The following SLCO2A1 variants were observed in gnomAD, a reference collection of about 807,000 sequenced individuals.
The protein encoded by SLCO2A1 is solute carrier organic anion transporter family member 2A1, also known as matrin F/G 1.
SLCO2A1 carries 60 observed loss-of-function variants against 71.7 expected under a neutral mutation model. The ratio of observed to expected loss-of-function variants is 0.84; its 90% CI spans 0.68 to 1.04. SLCO2A1 has a LOEUF of 1.04. Ranked by LOEUF, SLCO2A1 falls within the 50% of genes least tolerant of loss-of-function variation. SLCO2A1 has a pLI of 0.00. For synonymous variants in SLCO2A1, 308 were observed against 326.7 expected, an observed-to-expected ratio of 0.94 and a Z score of 0.62; for missense variants, 745 against 813.4, an observed-to-expected ratio of 0.92 and a Z score of 1.02.
intron 3 of SLCO2A1, among the ~76,000 whole-genome samples, chr3:133,958,985 G>A (rs948474939): frequency 2.6e-5 from 4 of 152,158 alleles, no homozygotes; most frequent in Non-Finnish European, 4.4e-5. Context: ...GTGGGAGCAC[G>A]GTTTAAAGCA....
At chr3:133,943,633 A>G (rs1206240566) in intron 10 of SLCO2A1, among the ~76,000 whole-genome samples, 1 of 152,002 alleles carries the variant, frequency 6.6e-6, no homozygotes, top group Non-Finnish European at 1.5e-5. Flanking sequence ...TATTTTGCTA[A>G]TGGGTTTTTG....
At chr3:133,936,331 A>C (rs1426436943) in intron 12 of SLCO2A1, among the ~76,000 whole-genome samples, 1 of 152,146 alleles carries the variant, frequency 6.6e-6, no homozygotes, top group East Asian at 1.9e-4. Flanking sequence ...GGGACACTGT[A>C]ACACAGCCAA....
At chr3:133,943,140 G>T (rs1933474258) in intron 10 of SLCO2A1, among the ~76,000 whole-genome samples, 1 of 152,202 alleles carries the variant, frequency 6.6e-6, no homozygotes, top group Non-Finnish European at 1.5e-5. Context: ...TGTTTTTGCT[G>T]TTTGTGTGTT....
At position 133,942,599 on chromosome 3, in the gene SLCO2A1, A is replaced by G. The variant is rs777114537; in HGVS notation, c.1625+6T>C. ...CGCCCCAGACTCACAGAGGTTTGCC[A>G]CTCACCGCAGAACCATCATGTAGAG... is the stretch of plus-strand genomic sequence containing the variant. On this transcript the variant is annotated splice_donor_region_variant and intron_variant, in intron 11 of 13. Coordinates refer to ENST00000310926, the MANE Select transcript of SLCO2A1 (RefSeq NM_005630.3). The G allele has an allele frequency of 3.7e-6, 6 of 1,603,810 alleles. No homozygotes were observed. The highest frequency in any genetic ancestry group is 3.4e-5 in the Admixed American group (2 of 58,906).
At chr3:134,026,871 C>A (rs1469953255) in intron 1 of SLCO2A1, among the ~76,000 whole-genome samples, 7 of 152,194 alleles carry the variant, frequency 4.6e-5, no homozygotes. Context: ...AAAACTGGCA[C>A]ATGTGCCTGT....
At chr3:133,995,933 T>C (rs1440178268) in intron 1 of SLCO2A1, among the ~76,000 whole-genome samples, 1 of 142,640 alleles carries the variant, frequency 7.0e-6, no homozygotes, top group Non-Finnish European at 1.6e-5. Context: ...GCAGGAATAG[T>C]AAGTTATTCA....
chr3:134,001,620 T>C (rs1044375074), intron 1 of SLCO2A1, among the ~76,000 whole-genome samples: 2 of 151,558 alleles, frequency 1.3e-5, no homozygotes, highest in African/African-American at 4.9e-5. Flanking sequence ...GGAAAGAGGG[T>C]GAGAAACATC....
intron 1 of SLCO2A1, among the ~76,000 whole-genome samples, chr3:134,018,426 G>A (rs1381249240): frequency 6.6e-6 from 1 of 152,176 alleles, no homozygotes; most frequent in Non-Finnish European, 1.5e-5. Context: ...GGAAGTGATG[G>A]ACATAGGCCA....
intron 1 of SLCO2A1, among the ~76,000 whole-genome samples, chr3:134,012,144 G>A (rs906272263): frequency 2.6e-5 from 4 of 152,114 alleles, no homozygotes. Flanking sequence ...TCCCAGCAAC[G>A]CCCACCTTCA....
At chr3:133,938,576 A>G (rs1933334308) in intron 11 of SLCO2A1, 83 bp from the exon 12 acceptor site, 2 of 1,341,826 alleles carry the variant, frequency 1.5e-6, no homozygotes, top group Non-Finnish European at 2.1e-6. Context: ...GCCTCAGAGC[A>G]GGTCAGAACC....
At chr3:133,949,050 C>T in intron 6 of SLCO2A1, 79 bp from the exon 7 acceptor site, 1 of 1,277,474 alleles carries the variant, frequency 7.8e-7, no homozygotes, top group Non-Finnish European at 1.1e-6. Flanking sequence ...GAGTCTCTGG[C>T]CTCAGAAGCT....
chr3:133,976,565 T>C (rs1393500387), intron 2 of SLCO2A1, among the ~76,000 whole-genome samples: 1 of 152,016 alleles, frequency 6.6e-6, no homozygotes, highest in Non-Finnish European at 1.5e-5. Context: ...CAGAGTCCCT[T>C]TGAAAAAACT....
chr3:133,949,179 T>G, intron 6 of SLCO2A1: 1 of 590,176 alleles, frequency 1.7e-6, no homozygotes, highest in Non-Finnish European at 3.0e-6. Flanking sequence ...TGGCCGACAA[T>G]CAGAACACAT....
intron 11 of SLCO2A1, 48 bp downstream of exon 11, chr3:133,942,557 T>C: frequency 6.5e-7 from 1 of 1,542,268 alleles, no homozygotes; most frequent in Non-Finnish European, 8.8e-7. Context: ...AAGGGAGATG[T>C]GGGGAAGGAG....
chr3:133,973,968 G>GC, intron 2 of SLCO2A1, 143 bp from the exon 3 acceptor site: 1 of 874,476 alleles, frequency 1.1e-6, no homozygotes, highest in South Asian at 1.8e-5. Context: ...CAGAGTTACA[G>GC]TGTCAGCTTT....
chr3:133,938,520 G>A (rs751665535), intron 11 of SLCO2A1, 27 bp from the exon 12 acceptor site: 29 of 1,610,206 alleles, frequency 1.8e-5, no homozygotes, highest in Non-Finnish European at 2.4e-5. Context: ...GAAATCAGCA[G>A]TGGGAGGATT....
intron 1 of SLCO2A1, among the ~76,000 whole-genome samples, chr3:134,013,750 G>A (rs1935387517): frequency 6.6e-6 from 1 of 152,190 alleles, no homozygotes; most frequent in Non-Finnish European, 1.5e-5. Context: ...TTACTCCAAG[G>A]TTTGGAGAGA....
intron 1 of SLCO2A1, among the ~76,000 whole-genome samples, chr3:134,015,384 A>G (rs761957609): frequency 2.4e-4 from 36 of 150,022 alleles, no homozygotes; most frequent in Middle Eastern, 6.8e-3. Flanking sequence ...AGAATCTAAT[A>G]AAGCTGAACT....
chr3:133,973,932 CT>C, intron 2 of SLCO2A1, 107 bp from the exon 3 acceptor site: 1 of 1,149,610 alleles, frequency 8.7e-7, no homozygotes, highest in Non-Finnish European at 1.2e-6. Context: ...AGGGAGGGGG[CT>C]GCCCAGTGTC....
Sources: allele counts gnomAD v4.1 joint callset (sites outside exome capture counted in the v4.1 genomes callset), GRCh38; gene constraint gnomAD v4.1.1; transcripts MANE v1.5; gene names NCBI Gene and HGNC (gene_info 2026-07-23, HGNC 2026-07-21).